The following SLC39A9 variants were observed in gnomAD, a reference collection of about 807,000 sequenced individuals.
SLC39A9 encodes zinc transporter ZIP9.
A neutral mutation model predicts 28.4 loss-of-function variants in SLC39A9; 14 were observed. The observed-to-expected ratio is 0.49, with a 90% CI of 0.33 to 0.77. SLC39A9 has a LOEUF of 0.77. Among genes scored for constraint, SLC39A9 ranks in the 30% least tolerant of loss-of-function variants. SLC39A9 has a pLI of 0.02. For synonymous variants in SLC39A9, 119 were observed against 149.6 expected (o/e 0.80, Z 1.49); for missense variants, 283 against 381.1 (o/e 0.74, Z 2.14).
intron 1 of SLC39A9, among the ~76,000 whole-genome samples, chr14:69,404,464 G>A (rs771593543): frequency 4.6e-5 from 7 of 152,158 alleles, no homozygotes; most frequent in Non-Finnish European, 8.8e-5. Flanking sequence ...TTAACACTAT[G>A]TCTAGAACAT....
At chr14:69,416,832 T>G (rs750236337) in intron 1 of SLC39A9, among the ~76,000 whole-genome samples, 5 of 152,232 alleles carry the variant, frequency 3.3e-5, no homozygotes, top group Non-Finnish European at 7.3e-5. Flanking sequence ...TCATTTTTTC[T>G]TGTAAATTTG....
At chr14:69,398,389 C>A, upstream of SLC39A9, 1 of 977,068 alleles carries the variant, frequency 1.0e-6, no homozygotes, top group South Asian at 1.4e-5. Context: ...GAGGCACAGT[C>A]ACTTCCGGCA....
chr14:69,445,990 T>G lies in SLC39A9; in HGVS notation c.403+3724T>G, dbSNP rs373908768. Among the ~76,000 whole-genome samples, 55 of 151,942 alleles carry G rather than the reference T, an allele frequency of 3.6e-4. 3 individuals are homozygous for G. The highest frequency in any genetic ancestry group is 2.5e-3 in the East Asian group (13 of 5,178). ...TACATATGTTTAGTCTTGGGTAGAG[T>G]TGGGAGAAAACCATAAACAAATACT... On this transcript the variant is annotated intron_variant, in intron 3 of 6. Coordinates refer to ENST00000336643, the MANE Select transcript of SLC39A9 (RefSeq NM_018375.5).
chr14:69,434,771 G>C (rs1884664946), intron 2 of SLC39A9, among the ~76,000 whole-genome samples: 1 of 152,070 alleles, frequency 6.6e-6, no homozygotes, highest in Non-Finnish European at 1.5e-5. Context: ...TCTTTATTTA[G>C]TTCAAAATAT....
chr14:69,439,179 T>C (rs1391624466), intron 2 of SLC39A9, among the ~76,000 whole-genome samples: 1 of 152,176 alleles, frequency 6.6e-6, no homozygotes, highest in African/African-American at 2.4e-5. Flanking sequence ...AACAATTTCA[T>C]TCATAATAGC....
intron 3 of SLC39A9, among the ~76,000 whole-genome samples, chr14:69,444,666 C>A (rs188915464): frequency 2.1e-4 from 32 of 152,272 alleles, no homozygotes; most frequent in African/African-American, 7.7e-4. Flanking sequence ...TCAAATACAG[C>A]TCCAATATGA....
chr14:69,409,257 AC>A (rs1413270955), intron 1 of SLC39A9, among the ~76,000 whole-genome samples: 6 of 152,182 alleles, frequency 3.9e-5, no homozygotes, highest in Non-Finnish European at 8.8e-5. Flanking sequence ...GTTGATATGT[AC>A]CATTTACATT....
Position 69,408,151 on chromosome 14 carries a change from T to G in SLC39A9, c.96+8686T>G, listed in dbSNP as rs149664556. On this transcript the variant is annotated intron_variant, in intron 1 of 6. Coordinates refer to ENST00000336643, the MANE Select transcript of SLC39A9 (RefSeq NM_018375.5). ...CCTCAGCCTCCCAAGTAGCTGAGATTACGGCTGCCTACCAACACGCCCGGC... is the reference window on the plus strand; with the variant it reads ...CCTCAGCCTCCCAAGTAGCTGAGATGACGGCTGCCTACCAACACGCCCGGC... Among the ~76,000 whole-genome samples the G allele has an allele frequency of 2.9e-3, 445 of 152,268 alleles. 3 individuals are homozygous for G. The highest frequency in any genetic ancestry group is 0.01 in the African/African-American group (435 of 41,556).
Position 69,458,569 on chromosome 14 carries a change from C to G in SLC39A9, c.900C>G (p.Ile300Met). ...TTCTGGGTTGCCTCATCCCTCTCATCCTGTCAGTAGGACACCAGCATTAAA... is the reference window on the plus strand; with the variant it reads ...TTCTGGGTTGCCTCATCCCTCTCATGCTGTCAGTAGGACACCAGCATTAAA... ...ALVLGCLIPL[I>M]LSVGHQH Residue 300 changes from isoleucine (I) to methionine (M), a missense_variant, in exon 7 of 7, where the codon ATC becomes ATG. By Grantham distance (10) the Ile-to-Met change is conservative. Coordinates refer to ENST00000336643, the MANE Select transcript of SLC39A9 (RefSeq NM_018375.5). 1 of 1,613,610 alleles carries G rather than the reference C, an allele frequency of 6.2e-7. No homozygotes were observed. The highest frequency in any genetic ancestry group is 8.5e-7 in the Non-Finnish European group (1 of 1,179,666).
At chr14:69,401,717 G>C (rs570598607) in intron 1 of SLC39A9, among the ~76,000 whole-genome samples, 2 of 152,012 alleles carry the variant, frequency 1.3e-5, no homozygotes. Flanking sequence ...TTAAATTGAC[G>C]GTCAGATGGT....
In SLC39A9 at chr14:69,436,946, CT is replaced by C. The variant is rs199736897; in HGVS notation, c.206-5122del. Among the ~76,000 whole-genome samples, 35 of 152,280 alleles carry C rather than the reference CT, an allele frequency of 2.3e-4. No individual in the cohort carries two copies. The East Asian group carries it at 6.6e-3, about 29-fold the overall frequency. On this transcript the variant is annotated intron_variant, in intron 2 of 6. Transcript: ENST00000336643. Reference sequence around the variant, plus strand: ...CACTTCAGACCACTGGGATCCCTTGCTAGCTCCGCCTCCCGGGTTCATGCCA... The same window carrying C: ...CACTTCAGACCACTGGGATCCCTTGCAGCTCCGCCTCCCGGGTTCATGCCA...
At chr14:69,457,228 G>A (rs184914599) in intron 6 of SLC39A9, among the ~76,000 whole-genome samples, 6 of 151,408 alleles carry the variant, frequency 4.0e-5, no homozygotes, top group Non-Finnish European at 7.4e-5. Flanking sequence ...CTTTGAGATG[G>A]AATCTTGCCT....
chr14:69,410,912 G>A lies in SLC39A9; in HGVS notation c.96+11447G>A, dbSNP rs575038111. Among the ~76,000 whole-genome samples the A allele has an allele frequency of 1.1e-4, 16 of 151,504 alleles. 1 individual carries two copies. The South Asian group carries it at 1.9e-3, about 18-fold the overall frequency. ...GGAAAATTGAGATAAAATGTTTTCC[G>A]TATCAAAAGCTTTTAAAGACTGGAT... On this transcript the variant is annotated intron_variant, in intron 1 of 6. Transcript: ENST00000336643.
chr14:69,431,787 C>T (rs1288406266), intron 2 of SLC39A9, among the ~76,000 whole-genome samples: 3 of 152,034 alleles, frequency 2.0e-5, no homozygotes, highest in Non-Finnish European at 2.9e-5. Flanking sequence ...TGTTTAGTTC[C>T]CACTTGTAAG....
intron 3 of SLC39A9, among the ~76,000 whole-genome samples, chr14:69,444,030 A>G (rs1440963358): frequency 6.6e-6 from 1 of 151,842 alleles, no homozygotes; most frequent in Non-Finnish European, 1.5e-5. Context: ...TACGAAAAAA[A>G]AATAAATTAC....
chr14:69,403,914 G>A (rs189611976), intron 1 of SLC39A9, among the ~76,000 whole-genome samples: 24 of 152,182 alleles, frequency 1.6e-4, no homozygotes, highest in African/African-American at 5.3e-4. Flanking sequence ...GTGGTGGCAC[G>A]TGCCTGTAAT....
chr14:69,442,910 G>A (rs989632079), intron 3 of SLC39A9, among the ~76,000 whole-genome samples: 6 of 152,144 alleles, frequency 3.9e-5, no homozygotes, highest in African/African-American at 1.2e-4. Flanking sequence ...GGTTATTGGT[G>A]TAGAAAATCT....
At chr14:69,428,234 G>T (rs1167239138) in intron 2 of SLC39A9, among the ~76,000 whole-genome samples, 9 of 150,320 alleles carry the variant, frequency 6.0e-5, no homozygotes, top group African/African-American at 2.2e-4. Flanking sequence ...CCGAGATTGT[G>T]CCATGCACCC....
rs915262897 is a variant in SLC39A9, at chr14:69,459,047, C to G, written c.*454C>G. 1.6e-5 allele frequency: 16 copies of G among 988,870 alleles called. No individual in the cohort carries two copies. Among genetic ancestry groups the G allele is most frequent in the Non-Finnish European group, 1.8e-5 (15 of 831,726 alleles). 61.3% of individuals were successfully genotyped at this position (988,870 alleles called of 1,614,324 possible). On this transcript the variant is annotated 3_prime_UTR_variant, in exon 7 of 7. Coordinates refer to ENST00000336643, the MANE Select transcript of SLC39A9 (RefSeq NM_018375.5). ...TGGTTCCCACCATGTAAGACTGGTG[C>G]TTTAGCATCTATGCCACATGCGTTG...
Sources: gnomAD v4.1 joint callset for allele counts (sites outside exome capture counted in the v4.1 genomes callset) on GRCh38, gnomAD v4.1.1 for gene constraint, MANE v1.5 for transcripts, NCBI Gene and HGNC (gene_info 2026-07-23, HGNC 2026-07-21) for gene names.